The following DNAH14 variants were observed in gnomAD, a reference collection of about 807,000 sequenced individuals.
DNAH14 encodes axonemal beta dynein heavy chain 14.
DNAH14 carries 478 observed loss-of-function variants against 520.9 expected under a neutral mutation model. That is an observed-to-expected ratio of 0.92 (90% CI 0.85 to 0.99). The LOEUF (loss-of-function observed/expected upper bound fraction) is 0.99. Ranked by LOEUF, DNAH14 falls within the 50% of genes least tolerant of loss-of-function variation. DNAH14 has a pLI of 0.00. For synonymous variants in DNAH14, 1,581 were observed against 1,757.2 expected, an observed-to-expected ratio of 0.90 and a Z score of 2.51; for missense variants, 4,831 against 5,234.5, an observed-to-expected ratio of 0.92 and a Z score of 2.38.
chr1:225,343,982 G>GA (rs1176482703), intron 69 of DNAH14, among the ~76,000 whole-genome samples: 5 of 152,116 alleles, frequency 3.3e-5, no homozygotes, highest in Non-Finnish European at 7.4e-5. Flanking sequence ...GATTTGATGA[G>GA]ATAAGTGAAA....
In DNAH14 at chr1:225,051,787, T is replaced by G; in HGVS notation, c.2416T>G (p.Leu806Val). 2 of 1,489,380 alleles carry G rather than the reference T, an allele frequency of 1.3e-6. No individual in the cohort carries two copies. The highest frequency in any genetic ancestry group is 1.8e-6 in the Non-Finnish European group (2 of 1,120,932). The allele number at this position is 1,489,380 out of a possible 1,614,324, so 92.3% of individuals were successfully genotyped here. The change falls in exon 17 of 86, where the codon TTA becomes GTA. Residue 806 changes from leucine to valine, a missense_variant. By Grantham distance (32) the Leu-to-Val change is conservative. Transcript: ENST00000682510. ...QSVIEKKNKNLLEVVESSLQQ... is the reference protein window; with the variant it reads ...QSVIEKKNKNVLEVVESSLQQ... ...TGTAATTGAAAAAAAGAACAAAAAT[T>G]TATTGGAAGTAAGTATTTTGAAAAT...
At position 225,331,509 on chromosome 1, in the gene DNAH14, C is replaced by T. The variant is rs764663676; in HGVS notation, c.9796C>T (p.Arg3266Trp). Residue 3266 changes from arginine to tryptophan, a missense_variant, in exon 65 of 86, where the codon CGG becomes TGG. Coordinates refer to ENST00000682510, the MANE Select transcript of DNAH14 (RefSeq NM_001367479.1). Reference sequence around the variant, plus strand: ...TGCTGAAAAACAACTATTAGCAAATCGGAAAACAATGGCCAGCAGGCGCTT... The same window carrying T: ...TGCTGAAAAACAACTATTAGCAAATTGGAAAACAATGGCCAGCAGGCGCTT... Reference protein sequence around the residue: ...TVAEKQLLANRKTMASRRFQC... With the variant: ...TVAEKQLLANWKTMASRRFQC... The T allele has an allele frequency of 3.0e-5, 47 of 1,551,146 alleles. No individual in the cohort carries two copies. In the African/African-American group the frequency reaches 4.9e-4, roughly 16 times the overall value.
At chr1:225,172,469 A>C (rs1285368663) in intron 36 of DNAH14, among the ~76,000 whole-genome samples, 1 of 152,170 alleles carries the variant, frequency 6.6e-6, no homozygotes, top group Admixed American at 6.5e-5. Context: ...TACACCAATA[A>C]CAGACAAACA....
In DNAH14 at chr1:225,333,434, A is replaced by G; in HGVS notation, c.10008A>G (p.Thr3336=). 6.4e-7 allele frequency: 1 copy of G among 1,551,488 alleles called. No individual in the cohort carries two copies. Among genetic ancestry groups the G allele is most frequent in the East Asian group, 2.4e-5 (1 of 40,854 alleles). ...FRQLIVNKWE[T]FCIENGISLS... ...AGTTGATTGTGAATAAATGGGAGACATTCTGCATTGAAAATGGCATTTCTT... is the reference window on the plus strand; with the variant it reads ...AGTTGATTGTGAATAAATGGGAGACGTTCTGCATTGAAAATGGCATTTCTT... The change falls in exon 66 of 86, where the codon ACA becomes ACG. Residue 3336 remains threonine (T), a synonymous_variant. Coordinates refer to ENST00000682510, the MANE Select transcript of DNAH14 (RefSeq NM_001367479.1).
At chr1:225,111,461 T>C (rs1052913411) in intron 23 of DNAH14, among the ~76,000 whole-genome samples, 2 of 152,136 alleles carry the variant, frequency 1.3e-5, no homozygotes, top group Non-Finnish European at 2.9e-5. Context: ...CTTGCTCTTT[T>C]TTGGTTTCCA....
intron 8 of DNAH14, among the ~76,000 whole-genome samples, chr1:224,995,289 G>A (rs549640251): frequency 5.3e-4 from 80 of 152,132 alleles, no homozygotes; most frequent in Middle Eastern, 3.4e-3. Context: ...CCTCATTTCT[G>A]AATGACAGCT....
intron 23 of DNAH14, among the ~76,000 whole-genome samples, chr1:225,105,258 T>C (rs1450561383): frequency 6.6e-6 from 1 of 152,180 alleles, no homozygotes; most frequent in Non-Finnish European, 1.5e-5. Flanking sequence ...AGACAGTTTG[T>C]TATAATTTCT....
intron 73 of DNAH14, among the ~76,000 whole-genome samples, chr1:225,356,534 A>G (rs970192988): frequency 1.3e-5 from 2 of 152,190 alleles, no homozygotes; most frequent in African/African-American, 4.8e-5. Flanking sequence ...CATGTGGATT[A>G]TTGACATAGT....
intron 79 of DNAH14, 123 bp from the exon 80 acceptor site, chr1:225,380,036 A>G (rs2095760063): frequency 4.0e-6 from 4 of 999,484 alleles, no homozygotes; most frequent in East Asian, 5.3e-5. Flanking sequence ...CTCATCCTAC[A>G]GTGGTATAGA....
intron 8 of DNAH14, among the ~76,000 whole-genome samples, chr1:224,995,760 G>C (rs1433423109): frequency 6.6e-6 from 1 of 151,648 alleles, no homozygotes; most frequent in Non-Finnish European, 1.5e-5. Context: ...TTTCTGACTG[G>C]ATAATTTCAC....
At chr1:225,119,897 A>G (rs1168966433) in intron 26 of DNAH14, among the ~76,000 whole-genome samples, 3 of 152,222 alleles carry the variant, frequency 2.0e-5, no homozygotes, top group Non-Finnish European at 4.4e-5. Context: ...GAAGGCCAAT[A>G]CAAGGTTTCT....
At chr1:225,069,388 C>T (rs2071283139) in intron 17 of DNAH14, among the ~76,000 whole-genome samples, 1 of 152,106 alleles carries the variant, frequency 6.6e-6, no homozygotes, top group African/African-American at 2.4e-5. Flanking sequence ...CCTTCAATAC[C>T]TAATTTATTG....
At position 225,285,924 on chromosome 1, in the gene DNAH14, A is replaced by G. The variant is rs78509037; in HGVS notation, c.8272-3961A>G. Among the ~76,000 whole-genome samples the G allele has an allele frequency of 5.9e-5, 9 of 152,326 alleles. No homozygotes were observed. In the East Asian group the frequency reaches 1.7e-3, roughly 29 times the overall value. ...CTGAATTTTATTGTACATATATACCACATTTCCTCTATCTGTTCTTCTGTT... is the reference window on the plus strand; with the variant it reads ...CTGAATTTTATTGTACATATATACCGCATTTCCTCTATCTGTTCTTCTGTT... On this transcript the variant is annotated intron_variant, in intron 54 of 85. Coordinates refer to ENST00000682510, the MANE Select transcript of DNAH14 (RefSeq NM_001367479.1).
At position 225,353,857 on chromosome 1, in the gene DNAH14, A is replaced by G; in HGVS notation, c.11588A>G (p.Glu3863Gly). 6.6e-7 allele frequency: 1 copy of G among 1,513,682 alleles called. No homozygotes were observed. The highest frequency in any genetic ancestry group is 8.9e-7 in the Non-Finnish European group (1 of 1,117,878). The allele number at this position is 1,513,682 out of a possible 1,614,324, so 93.8% of individuals were successfully genotyped here. A position where few individuals can be genotyped will look rare whatever the true frequency, so the allele number is the denominator to read the frequency against. ...ETCNPINFPW[E>G]KLTSFQRLIL... ...TGTAATCCTATAAATTTTCCCTGGG[A>G]GAAACTCACTTCATTTCAAAGACTT... Residue 3863 changes from glutamate to glycine, a missense_variant, in exon 73 of 86, where the codon GAG becomes GGG. Transcript: ENST00000682510.
At chr1:225,190,927 C>A (rs2149345118) in intron 37 of DNAH14, among the ~76,000 whole-genome samples, 1 of 152,086 alleles carries the variant, frequency 6.6e-6, no homozygotes, top group Non-Finnish European at 1.5e-5. Flanking sequence ...GAACTGATAC[C>A]AACTTCACTT....
intron 43 of DNAH14, among the ~76,000 whole-genome samples, chr1:225,241,370 A>G (rs550948905): frequency 8.7e-4 from 133 of 152,342 alleles, no homozygotes; most frequent in Non-Finnish European, 1.9e-4. Flanking sequence ...GAGACAAAAT[A>G]TTAAGCATAA....
intron 17 of DNAH14, 49 bp downstream of exon 17, chr1:225,051,844 A>T (rs1292605128): frequency 7.8e-7 from 1 of 1,280,224 alleles, no homozygotes; most frequent in African/African-American, 1.5e-5. Flanking sequence ...CAGATTAGTA[A>T]ATTTTAAATT....
intron 36 of DNAH14, among the ~76,000 whole-genome samples, chr1:225,179,682 G>T (rs1489565485): frequency 6.6e-6 from 1 of 151,886 alleles, no homozygotes; most frequent in Non-Finnish European, 1.5e-5. Context: ...TCTGAATTTT[G>T]GTATACCTGC....
At chr1:225,093,105 T>C (rs1016573968) in intron 21 of DNAH14, among the ~76,000 whole-genome samples, 1 of 152,072 alleles carries the variant, frequency 6.6e-6, no homozygotes, top group Non-Finnish European at 1.5e-5. Flanking sequence ...CTGAAATGAT[T>C]CCAAAAAGTT....
Sources: allele counts gnomAD v4.1 joint callset (sites outside exome capture counted in the v4.1 genomes callset), GRCh38; gene constraint gnomAD v4.1.1; transcripts MANE v1.5; gene names NCBI Gene and HGNC (gene_info 2026-07-23, HGNC 2026-07-21).